The following BZW2 variants were observed in gnomAD, a reference collection of about 807,000 sequenced individuals.
BZW2 encodes the protein eIF5-mimic protein 1.
A neutral mutation model predicts 53.2 loss-of-function variants in BZW2; 23 were observed. The observed-to-expected ratio is 0.43, with a 90% CI of 0.31 to 0.61. The LOEUF is 0.61. Among genes scored for constraint, BZW2 ranks in the 20% least tolerant of loss-of-function variants. The probability of loss-of-function intolerance (pLI) is 0.09; values close to 1 mark genes in which losing one functional copy is unlikely to be tolerated. For missense variants in BZW2, 409 were observed against 503.1 expected, an observed-to-expected ratio of 0.81 and a Z score of 1.79; for synonymous variants, 227 against 186.4, an observed-to-expected ratio of 1.22 and a Z score of -1.77.
intron 1 of BZW2, among the ~76,000 whole-genome samples, chr7:16,656,862 T>A (rs1447793813): frequency 6.6e-6 from 1 of 152,226 alleles, no homozygotes; most frequent in Non-Finnish European, 1.5e-5. Flanking sequence ...ATTTGGGTCC[T>A]CAAATTGCCC....
At chr7:16,658,829 C>T (rs1464332372) in intron 1 of BZW2, among the ~76,000 whole-genome samples, 1 of 151,372 alleles carries the variant, frequency 6.6e-6, no homozygotes, top group African/African-American at 2.4e-5. Flanking sequence ...GAGCCAAGAT[C>T]GCACCACTGC....
At position 16,665,470 on chromosome 7, in the gene BZW2, A is replaced by G. The variant is rs1782394031; in HGVS notation, c.27A>G (p.Leu9=). 6.2e-7 allele frequency: 1 copy of G among 1,613,996 alleles called. No individual in the cohort carries two copies. The highest frequency in any genetic ancestry group is 1.7e-5 in the Admixed American group (1 of 59,984). The change falls in exon 2 of 12, where the codon CTA becomes CTG. Residue 9 remains leucine (L), a synonymous_variant. Coordinates refer to ENST00000258761, the MANE Select transcript of BZW2 (RefSeq NM_014038.3). ...TGAATAAGCATCAGAAGCCAGTGCT[A>G]ACAGGCCAGCGGTTCAAAACTCGGA... The part of the protein sequence containing the change: MNKHQKPV[L]TGQRFKTRKR...
chr7:16,654,198 C>G (rs954897531), intron 1 of BZW2, among the ~76,000 whole-genome samples: 7 of 151,536 alleles, frequency 4.6e-5, no homozygotes, highest in Non-Finnish European at 7.4e-5. Flanking sequence ...CCACTACACT[C>G]CAGCCTGGGT....
In BZW2 at chr7:16,698,044, C is replaced by T. The variant is rs770995466; in HGVS notation, c.970-4C>T. 1.9e-6 allele frequency: 3 copies of T among 1,614,010 alleles called. No homozygotes were observed. Among genetic ancestry groups the T allele is most frequent in the South Asian group, 1.1e-5 (1 of 91,066 alleles). On this transcript the variant is annotated splice_region_variant and splice_polypyrimidine_tract_variant and intron_variant, in intron 9 of 11. Coordinates refer to ENST00000258761, the MANE Select transcript of BZW2 (RefSeq NM_014038.3). The stretch of plus-strand genomic sequence containing the variant: ...ACGGCTTTTACTCTCCACTTCTGTT[C>T]TAGCAATATGCTCCCCTGCTGGCCG...
At chr7:16,673,391 G>A (rs1294106036) in intron 2 of BZW2, among the ~76,000 whole-genome samples, 4 of 152,128 alleles carry the variant, frequency 2.6e-5, no homozygotes, top group Non-Finnish European at 5.9e-5. Context: ...TTTTACAGTG[G>A]AGTTTTCTAG....
At position 16,696,954 on chromosome 7, in the gene BZW2, C is replaced by T; in HGVS notation, c.862C>T (p.Leu288Phe). 1 of 1,614,094 alleles carries T rather than the reference C, an allele frequency of 6.2e-7. No homozygotes were observed. The highest frequency in any genetic ancestry group is 8.5e-7 in the Non-Finnish European group (1 of 1,179,978). ...YVKEEMKRND[L>F]PETAVIGLLW... ...CAAAGAAGAAATGAAGAGGAATGATCTTCCAGAAACAGCAGTGATTGGTCT... is the reference window on the plus strand; with the variant it reads ...CAAAGAAGAAATGAAGAGGAATGATTTTCCAGAAACAGCAGTGATTGGTCT... The change falls in exon 9 of 12, where the codon CTT becomes TTT. Residue 288 changes from leucine (L) to phenylalanine (F), a missense_variant. Leu to Phe is a conservative substitution (Grantham distance 22). This residue lies in a region of BZW2 where 316 missense variants were observed against 366.8 expected (regional missense o/e 0.86). Coordinates refer to ENST00000258761, the MANE Select transcript of BZW2 (RefSeq NM_014038.3).
intron 8 of BZW2, among the ~76,000 whole-genome samples, chr7:16,696,676 C>G (rs1783501938): frequency 6.6e-6 from 1 of 152,210 alleles, no homozygotes; most frequent in Non-Finnish European, 1.5e-5. Context: ...TCCACATTAT[C>G]CAGCAGCTCC....
intron 1 of BZW2, among the ~76,000 whole-genome samples, chr7:16,653,005 T>C (rs1281383825): frequency 4.0e-5 from 6 of 151,520 alleles, no homozygotes; most frequent in Non-Finnish European, 2.9e-5. Flanking sequence ...GCTCTCATTA[T>C]GTAATAAGCA....
At chr7:16,654,962 A>G (rs1274504111) in intron 1 of BZW2, among the ~76,000 whole-genome samples, 1 of 152,170 alleles carries the variant, frequency 6.6e-6, no homozygotes, top group African/African-American at 2.4e-5. Flanking sequence ...ATAATCAGTG[A>G]TTTTTAAAGG....
intron 6 of BZW2, among the ~76,000 whole-genome samples, chr7:16,689,020 G>A (rs1242200087): frequency 2.6e-5 from 4 of 152,134 alleles, no homozygotes; most frequent in South Asian, 2.1e-4. Context: ...GAGGTCAAGC[G>A]TTCAGGACTA....
intron 1 of BZW2, among the ~76,000 whole-genome samples, chr7:16,664,059 C>G (rs771648640): frequency 2.6e-5 from 4 of 152,178 alleles, no homozygotes; most frequent in Non-Finnish European, 1.5e-5. Context: ...CTCCTTTTAA[C>G]CAAGTACTTT....
At chr7:16,687,722 T>TA (rs909208189) in intron 6 of BZW2, among the ~76,000 whole-genome samples, 26 of 150,556 alleles carry the variant, frequency 1.7e-4, no homozygotes, top group Admixed American at 5.3e-4. Context: ...CTATCTAAAA[T>TA]AAAAAAAAAG....
chr7:16,689,832 G>A lies in BZW2; in HGVS notation c.577G>A (p.Ala193Thr), dbSNP rs1032523070. 1.9e-6 allele frequency: 3 copies of A among 1,610,944 alleles called. No individual in the cohort carries two copies. Among genetic ancestry groups the A allele is most frequent in the Non-Finnish European group, 1.7e-6 (2 of 1,178,408 alleles). Residue 193 changes from alanine (A) to threonine (T), a missense_variant, in exon 7 of 12, where the codon GCA becomes ACA. This residue lies in a region of BZW2 where 316 missense variants were observed against 366.8 expected (regional missense o/e 0.86). Coordinates refer to ENST00000258761, the MANE Select transcript of BZW2 (RefSeq NM_014038.3). ...AASFAVKLFK[A>T]WMAEKDANSV... Reference sequence around the variant, plus strand: ...CTCATTTGCTGTCAAGCTTTTCAAAGCATGGATGGCAGAAAAAGATGCCAA... The same window carrying A: ...CTCATTTGCTGTCAAGCTTTTCAAAACATGGATGGCAGAAAAAGATGCCAA...
intron 5 of BZW2, 49 bp downstream of exon 5, chr7:16,682,894 G>T: frequency 7.5e-7 from 1 of 1,329,658 alleles, no homozygotes. Flanking sequence ...ATGACATGGG[G>T]GTGGATAAAA....
intron 5 of BZW2, among the ~76,000 whole-genome samples, chr7:16,683,063 G>A (rs540651339): frequency 1.3e-5 from 2 of 152,218 alleles, no homozygotes; most frequent in East Asian, 3.9e-4. Flanking sequence ...GGGCATGGTG[G>A]CATGCACCTG....
At chr7:16,669,323 C>T (rs1203218947) in intron 2 of BZW2, among the ~76,000 whole-genome samples, 6 of 152,116 alleles carry the variant, frequency 3.9e-5, no homozygotes, top group Non-Finnish European at 8.8e-5. Flanking sequence ...CCTGAAGTTT[C>T]ATCATGTTGC....
chr7:16,673,033 C>T (rs986354546), intron 2 of BZW2, among the ~76,000 whole-genome samples: 12 of 152,040 alleles, frequency 7.9e-5, no homozygotes, highest in African/African-American at 2.9e-4. Context: ...GCAAGCTCCG[C>T]CTCCCGGGTT....
At chr7:16,665,523 G>C in intron 2 of BZW2, 22 bp downstream of exon 2, 1 of 1,612,906 alleles carries the variant, frequency 6.2e-7, no homozygotes, top group Non-Finnish European at 8.5e-7. Context: ...GTGTGTGTGT[G>C]TGTGTGTTTA....
At chr7:16,695,046 G>A (rs769098734) in intron 8 of BZW2, 42 bp downstream of exon 8, 13 of 1,473,692 alleles carry the variant, frequency 8.8e-6, no homozygotes, top group Non-Finnish European at 1.1e-5. Flanking sequence ...ACACATGAAT[G>A]AGAGGAATTA....
Sources: allele counts gnomAD v4.1 joint callset (sites outside exome capture counted in the v4.1 genomes callset), GRCh38; gene constraint gnomAD v4.1.1; regional missense constraint gnomAD v4.1.1; transcripts MANE v1.5; gene names NCBI Gene and HGNC (gene_info 2026-07-23, HGNC 2026-07-21).